The following TTC7B variants were observed in gnomAD, a reference collection of about 807,000 sequenced individuals.
The protein encoded by TTC7B is tetratricopeptide repeat protein 7B.
TTC7B carries 28 observed loss-of-function variants against 106.8 expected under a neutral mutation model. That is an observed-to-expected ratio of 0.26 (90% CI 0.19 to 0.36). TTC7B has a LOEUF of 0.36. TTC7B is among the 10% of genes least tolerant of loss of function. The pLI is 1.00. For synonymous variants in TTC7B, 405 were observed against 430.6 expected, an observed-to-expected ratio of 0.94 and a Z score of 0.74; for missense variants, 862 against 1,076.4, an observed-to-expected ratio of 0.80 and a Z score of 2.79.
chr14:90,543,347 C>G (rs1889685225), intron 19 of TTC7B, among the ~76,000 whole-genome samples: 1 of 152,138 alleles, frequency 6.6e-6, no homozygotes, highest in African/African-American at 2.4e-5. Context: ...GTGATGGATT[C>G]CTCCTACTTT....
intron 11 of TTC7B, among the ~76,000 whole-genome samples, chr14:90,656,193 T>C (rs1885940099): frequency 6.6e-6 from 1 of 152,234 alleles, no homozygotes; most frequent in Non-Finnish European, 1.5e-5. Context: ...TCACTAGGCT[T>C]ACTTTTCTCC....
At chr14:90,605,614 C>A (rs143235762) in intron 17 of TTC7B, 4 of 1,283,900 alleles carry the variant, frequency 3.1e-6, no homozygotes, top group East Asian at 5.6e-5. Context: ...GGGTTCCCGG[C>A]GGGGACCTGC....
intron 17 of TTC7B, among the ~76,000 whole-genome samples, chr14:90,610,239 A>AAC (rs1463479952): frequency 1.3e-5 from 2 of 152,316 alleles, no homozygotes; most frequent in African/African-American, 2.4e-5. Flanking sequence ...GCAAATGTGG[A>AAC]ACACACACAC....
At position 90,801,164 on chromosome 14, in the gene TTC7B, G is replaced by A. The variant is rs569185530; in HGVS notation, c.122-14836C>T. ...CGCTTGAGCCCGGGAGGTCGAGGCT[G>A]TAGTGAGCCATGATCACACCACTGC... On this transcript the variant is annotated intron_variant, in intron 1 of 19. Coordinates refer to ENST00000328459, the MANE Select transcript of TTC7B (RefSeq NM_001010854.2). 4.8e-5 allele frequency among the ~76,000 whole-genome samples: 7 copies of A among 146,064 alleles called. No individual in the cohort carries two copies. The South Asian group carries it at 1.5e-3, about 32-fold the overall frequency.
At chr14:90,579,568 C>A (rs779838303) in intron 18 of TTC7B, among the ~76,000 whole-genome samples, 1 of 152,182 alleles carries the variant, frequency 6.6e-6, no homozygotes, top group South Asian at 2.1e-4. Context: ...GAGGCCGAGG[C>A]GGGCGGATAG....
intron 15 of TTC7B, among the ~76,000 whole-genome samples, chr14:90,618,447 A>G (rs1246773536): frequency 6.6e-6 from 1 of 152,258 alleles, no homozygotes; most frequent in Non-Finnish European, 1.5e-5. Flanking sequence ...TGATATAAAT[A>G]TCTACAGATA....
At chr14:90,630,888 G>A (rs1884673191) in intron 15 of TTC7B, among the ~76,000 whole-genome samples, 1 of 148,470 alleles carries the variant, frequency 6.7e-6, no homozygotes, top group African/African-American at 2.5e-5. Context: ...AGGCTGGAGT[G>A]CAGTGGCATG....
intron 15 of TTC7B, among the ~76,000 whole-genome samples, chr14:90,643,491 T>A (rs866123712): frequency 2.0e-5 from 3 of 152,158 alleles, no homozygotes; most frequent in Admixed American, 6.5e-5. Flanking sequence ...ATGGTACACA[T>A]TGGGAAAGAG....
chr14:90,763,097 C>T (rs901857185), intron 3 of TTC7B, among the ~76,000 whole-genome samples: 5 of 152,126 alleles, frequency 3.3e-5, no homozygotes, highest in African/African-American at 7.2e-5. Context: ...ACAAGAATAC[C>T]ACCAATATCT....
At chr14:90,659,074 G>A (rs868128478) in intron 9 of TTC7B, among the ~76,000 whole-genome samples, 1 of 152,194 alleles carries the variant, frequency 6.6e-6, no homozygotes, top group Non-Finnish European at 1.5e-5. Flanking sequence ...AAATGTGTCC[G>A]AGGTCAAATC....
intron 16 of TTC7B, among the ~76,000 whole-genome samples, chr14:90,613,744 G>T (rs1892961590): frequency 6.6e-6 from 1 of 152,262 alleles, no homozygotes; most frequent in Non-Finnish European, 1.5e-5. Context: ...ACTTCCCAAG[G>T]AGGGAGGCAG....
intron 9 of TTC7B, among the ~76,000 whole-genome samples, chr14:90,670,953 G>A (rs1333833449): frequency 6.6e-6 from 1 of 152,100 alleles, no homozygotes; most frequent in East Asian, 1.9e-4. Context: ...AAGGAAAGGG[G>A]GCAGGATGAG....
At chr14:90,694,164 G>T (rs1271045836) in intron 6 of TTC7B, among the ~76,000 whole-genome samples, 1 of 152,180 alleles carries the variant, frequency 6.6e-6, no homozygotes, top group Admixed American at 6.5e-5. Context: ...CTACTCGGAG[G>T]CTGGGGCAGG....
intron 9 of TTC7B, among the ~76,000 whole-genome samples, chr14:90,671,712 T>C (rs912979286): frequency 6.6e-6 from 1 of 152,222 alleles, no homozygotes; most frequent in African/African-American, 2.4e-5. Flanking sequence ...TGTGCTTCTA[T>C]TTAAACCTGT....
rs150076166 is a variant in TTC7B at position 90,687,684 on chromosome 14, T to C, written c.950+1856A>G. 2.8e-3 allele frequency among the ~76,000 whole-genome samples: 430 copies of C among 152,244 alleles called. 1 individual carries two copies. Among genetic ancestry groups the C allele is most frequent in the African/African-American group, 0.01 (421 of 41,540 alleles). ...GGTCAGCATTTTAAAAATAAGAGCA[T>C]TGAAAATTGCTAGAACAGATGTTCT... On this transcript the variant is annotated intron_variant, in intron 7 of 19. Coordinates refer to ENST00000328459, the MANE Select transcript of TTC7B (RefSeq NM_001010854.2).
intron 7 of TTC7B, among the ~76,000 whole-genome samples, chr14:90,680,977 C>A (rs942868113): frequency 1.3e-5 from 2 of 152,150 alleles, no homozygotes; most frequent in South Asian, 4.1e-4. Context: ...AGATTAGAAG[C>A]AATTTTAGAG....
At position 90,528,539 on chromosome 14, in the gene TTC7B, G is replaced by C. The variant is rs182326965; in HGVS notation, c.*12829C>G. The C allele has an allele frequency of 4.6e-5, 7 of 153,204 alleles. No homozygotes were observed. In the Admixed American group the frequency reaches 4.6e-4, roughly 10 times the overall value. 9.5% of individuals were successfully genotyped at this position (153,204 alleles called of 1,614,324 possible). Reference sequence around the variant, plus strand: ...CCGTTTCTGATGGCATGACCCGACTGCACTTTGTTACCTGTTTTGATGGTT... The same window carrying C: ...CCGTTTCTGATGGCATGACCCGACTCCACTTTGTTACCTGTTTTGATGGTT... On this transcript the variant is annotated 3_prime_UTR_variant, in exon 20 of 20. Transcript: ENST00000328459.
At chr14:90,711,653 C>A (rs1888452323) in intron 5 of TTC7B, among the ~76,000 whole-genome samples, 1 of 152,198 alleles carries the variant, frequency 6.6e-6, no homozygotes, top group African/African-American at 2.4e-5. Flanking sequence ...AACTTCTGGC[C>A]TCAGGTGATC....
At chr14:90,625,654 C>G (rs1481374408) in intron 15 of TTC7B, among the ~76,000 whole-genome samples, 1 of 152,166 alleles carries the variant, frequency 6.6e-6, no homozygotes, top group Non-Finnish European at 1.5e-5. Flanking sequence ...CTCAAATCAC[C>G]CCGAGGCCCC....
Sources: allele counts gnomAD v4.1 joint callset (sites outside exome capture counted in the v4.1 genomes callset), GRCh38; gene constraint gnomAD v4.1.1; transcripts MANE v1.5; gene names NCBI Gene and HGNC (gene_info 2026-07-23, HGNC 2026-07-21).